Variants in PLPBP observed in about 807,000 individuals in gnomAD.
The protein encoded by PLPBP is pyridoxal phosphate homeostasis protein.
A neutral mutation model predicts 31.2 loss-of-function variants in PLPBP; 21 were observed. That is an observed-to-expected ratio of 0.67 (90% CI 0.48 to 0.97). The LOEUF is 0.97. Among genes scored for constraint, PLPBP ranks in the 50% least tolerant of loss-of-function variants. The probability of loss-of-function intolerance (pLI) is 0.00; values close to 1 mark genes in which losing one functional copy is unlikely to be tolerated. For synonymous variants in PLPBP, 124 were observed against 135.6 expected (o/e 0.91, Z 0.59); for missense variants, 308 against 354.4 (o/e 0.87, Z 1.05).
At chr8:37,769,443 T>C (rs1266745164) in intron 4 of PLPBP, among the ~76,000 whole-genome samples, 1 of 151,212 alleles carries the variant, frequency 6.6e-6, no homozygotes, top group East Asian at 1.9e-4. Context: ...AGGCACAGAG[T>C]GGAAGAAAAA....
rs1385147337 is a variant in PLPBP at position 37,777,972 on chromosome 8, G to A, written c.697-1G>A. ...TCGATACCTTCTCTTTTTTCCCACA[G>A]GTTGAAGTAGGATCTACAAATGTCC... On this transcript the variant is annotated splice_acceptor_variant, in intron 7 of 7. Coordinates refer to ENST00000328195, the MANE Select transcript of PLPBP (RefSeq NM_007198.4). LOFTEE classifies it high-confidence loss of function. 3.7e-6 allele frequency: 6 copies of A among 1,609,968 alleles called. No individual in the cohort carries two copies. The highest frequency in any genetic ancestry group is 5.1e-6 in the Non-Finnish European group (6 of 1,177,470).
intron 4 of PLPBP, among the ~76,000 whole-genome samples, chr8:37,768,924 T>C (rs1170913604): frequency 6.6e-6 from 1 of 152,234 alleles, no homozygotes; most frequent in Non-Finnish European, 1.5e-5. Context: ...AAATTCCAGC[T>C]AGATTAAATA....
In PLPBP at chr8:37,778,304, T is replaced by G. The variant is rs1343825013; in HGVS notation, c.*200T>G. The stretch of plus-strand genomic sequence containing the variant: ...TGGCTTTGGATTGAGTTTGAGAAAT[T>G]CAAACATTTCTGCAGAACAGATACC... On this transcript the variant is annotated 3_prime_UTR_variant, in exon 8 of 8. Transcript: ENST00000328195. 2.1e-6 allele frequency: 1 copy of G among 481,734 alleles called. No homozygotes were observed. Among genetic ancestry groups the G allele is most frequent in the East Asian group, 4.2e-5 (1 of 23,764 alleles). 29.8% of individuals were successfully genotyped at this position (481,734 alleles called of 1,614,324 possible). A position where few individuals can be genotyped will look rare whatever the true frequency, so the allele number is the denominator to read the frequency against.
intron 7 of PLPBP, among the ~76,000 whole-genome samples, chr8:37,777,438 T>C (rs1181628589): frequency 6.6e-6 from 1 of 152,184 alleles, no homozygotes; most frequent in Non-Finnish European, 1.5e-5. Context: ...AGCCACACTC[T>C]CCAACCACTG....
chr8:37,773,277 C>T (rs1171311388), intron 5 of PLPBP, among the ~76,000 whole-genome samples: 2 of 151,440 alleles, frequency 1.3e-5, no homozygotes, highest in African/African-American at 2.4e-5. Context: ...AAGCAATTCT[C>T]CCACCTCAGC....
intron 7 of PLPBP, among the ~76,000 whole-genome samples, chr8:37,777,364 G>A (rs1376665700): frequency 1.3e-5 from 2 of 152,132 alleles, no homozygotes; most frequent in Admixed American, 6.5e-5. Context: ...TAGGTGGGCT[G>A]TGCTGTGTGG....
rs1247197963 is a variant in PLPBP, at chr8:37,779,570, C to T, written c.*1466C>T. 1.3e-5 allele frequency: 2 copies of T among 152,560 alleles called. No individual in the cohort carries two copies. The highest frequency in any genetic ancestry group is 1.3e-4 in the Admixed American group (2 of 15,278). 9.5% of individuals were successfully genotyped at this position (152,560 alleles called of 1,614,324 possible). A position where few individuals can be genotyped will look rare whatever the true frequency, so the allele number is the denominator to read the frequency against. ...CTTTTTCTCTTATTTTTTGAAGCCC[C>T]AGTCTTTGATTTTACAGGTAACTTT... On this transcript the variant is annotated 3_prime_UTR_variant, in exon 8 of 8. Transcript: ENST00000328195.
At chr8:37,762,642 G>C (rs1271141008), upstream of PLPBP, 7 of 1,561,198 alleles carry the variant, frequency 4.5e-6, no homozygotes, top group Middle Eastern at 3.5e-4. Context: ...CCTGGGGCTC[G>C]GCGTCGGTCC....
chr8:37,776,107 C>T, intron 7 of PLPBP, 91 bp downstream of exon 7: 1 of 1,239,186 alleles, frequency 8.1e-7, no homozygotes, highest in South Asian at 1.2e-5. Context: ...GCTGTAGAAG[C>T]CTTGGAAATG....
intron 1 of PLPBP, among the ~76,000 whole-genome samples, chr8:37,764,265 G>T (rs1246822627): frequency 6.6e-6 from 1 of 151,434 alleles, no homozygotes; most frequent in African/African-American, 2.4e-5. Flanking sequence ...ACCACACCTG[G>T]CTAATTTTTT....
chr8:37,762,796 C>T, intron 1 of PLPBP, 38 bp downstream of exon 1: 1 of 1,533,602 alleles, frequency 6.5e-7, no homozygotes, highest in South Asian at 1.2e-5. Flanking sequence ...TGGGCGGCCG[C>T]CTTGAGAAGA....
At chr8:37,771,865 CAGA>C (rs1803779828) in intron 4 of PLPBP, among the ~76,000 whole-genome samples, 1 of 152,028 alleles carries the variant, frequency 6.6e-6, no homozygotes, top group African/African-American at 2.4e-5. Context: ...GAGGCTGAGG[CAGA>C]AGAATAGCTT....
intron 5 of PLPBP, chr8:37,774,845 G>C (rs952742599): frequency 6.5e-6 from 1 of 154,108 alleles, no homozygotes; most frequent in Non-Finnish European, 1.4e-5. Flanking sequence ...ATAATTGCTT[G>C]CTGCAGATTT....
Position 37,779,710 on chromosome 8 carries a change from A to G in PLPBP, c.*1606A>G, listed in dbSNP as rs1804016032. ...TCAGAGTCTATTAAATAAAAATGTG[A>G]GTTTGAATTACACCATCTGTGCCAA... is the stretch of plus-strand genomic sequence containing the variant. On this transcript the variant is annotated 3_prime_UTR_variant, in exon 8 of 8. Coordinates refer to ENST00000328195, the MANE Select transcript of PLPBP (RefSeq NM_007198.4). The G allele has an allele frequency of 6.5e-6, 1 of 152,688 alleles. No homozygotes were observed. The highest frequency in any genetic ancestry group is 1.5e-5 in the Non-Finnish European group (1 of 68,042). 9.5% of individuals were successfully genotyped at this position (152,688 alleles called of 1,614,324 possible).
intron 7 of PLPBP, among the ~76,000 whole-genome samples, chr8:37,777,688 T>A (rs762531742): frequency 2.6e-5 from 4 of 152,166 alleles, no homozygotes; most frequent in African/African-American, 7.2e-5. Flanking sequence ...ATTCTCCTGC[T>A]TCAGCCTCCC....
chr8:37,777,497 A>G (rs903650296), intron 7 of PLPBP, among the ~76,000 whole-genome samples: 2 of 152,088 alleles, frequency 1.3e-5, no homozygotes, highest in Admixed American at 6.6e-5. Flanking sequence ...CTCAGAGGCA[A>G]TTTTACCTCT....
In PLPBP at chr8:37,777,901, G is replaced by T. The variant is rs913682649; in HGVS notation, c.697-72G>T. On this transcript the variant is annotated intron_variant, in intron 7 of 7. Coordinates refer to ENST00000328195, the MANE Select transcript of PLPBP (RefSeq NM_007198.4). ...AAGGCTCTTGAGAGCCAGAATGGGG[G>T]CACAGCTTCAGCACTGGCTCCATTT... The T allele has an allele frequency of 9.3e-6, 14 of 1,505,674 alleles. No homozygotes were observed. In the African/African-American group the frequency reaches 1.4e-4, roughly 15 times the overall value. 93.3% of individuals were successfully genotyped at this position (1,505,674 alleles called of 1,614,324 possible).
At chr8:37,764,654 ATTAC>A (rs1302826922) in intron 1 of PLPBP, among the ~76,000 whole-genome samples, 4 of 152,228 alleles carry the variant, frequency 2.6e-5, no homozygotes, top group African/African-American at 7.2e-5. Flanking sequence ...TGAACAATCA[ATTAC>A]TTAGTTACCT....
chr8:37,762,629 G>T, upstream of PLPBP: 1 of 1,551,022 alleles, frequency 6.4e-7, no homozygotes, highest in South Asian at 1.2e-5. Flanking sequence ...GGGCTGCCGG[G>T]GGCCTGGGGC....
Sources: gnomAD v4.1 joint callset for allele counts (sites outside exome capture counted in the v4.1 genomes callset) on GRCh38, gnomAD v4.1.1 for gene constraint, MANE v1.5 for transcripts, NCBI Gene and HGNC (gene_info 2026-07-23, HGNC 2026-07-21) for gene names.